The following TMEM94 variants were observed in gnomAD, a reference collection of about 807,000 sequenced individuals.
TMEM94 encodes ER Mg2+ ATPase.
Under a neutral mutation model 158.6 loss-of-function variants are expected in TMEM94, and 81 were observed. The ratio of observed to expected loss-of-function variants is 0.51; its 90% CI spans 0.43 to 0.61. The LOEUF (loss-of-function observed/expected upper bound fraction) is 0.61. TMEM94 is among the 20% of genes least tolerant of loss of function. The pLI, the probability that TMEM94 is intolerant of heterozygous loss-of-function variation, is 0.00. For synonymous variants in TMEM94, 751 were observed against 730.7 expected, an observed-to-expected ratio of 1.03 and a Z score of -0.45; for missense variants, 1,435 against 1,762.0, an observed-to-expected ratio of 0.81 and a Z score of 3.32.
In TMEM94 at chr17:75,497,790, G is replaced by T; in HGVS notation, c.3417G>T (p.Leu1139=). The T allele has an allele frequency of 2.5e-6, 4 of 1,613,638 alleles. No homozygotes were observed. The highest frequency in any genetic ancestry group is 3.4e-6 in the Non-Finnish European group (4 of 1,179,604). ...CFCYPLLSIS[L]LGKPPHSSIM... ...GATCTCTGCTTTTCAGCATCTCTCT[G>T]CTGGGGAAGCCCCCCCATAGCTCCA... Residue 1139 remains leucine, a synonymous_variant, in exon 27 of 32, where the codon CTG becomes CTT. Coordinates refer to ENST00000314256, the MANE Select transcript of TMEM94 (RefSeq NM_014738.6).
intron 2 of TMEM94, among the ~76,000 whole-genome samples, chr17:75,473,159 C>T (rs1169181378): frequency 2.0e-5 from 3 of 152,166 alleles, no homozygotes; most frequent in Admixed American, 6.5e-5. Context: ...TCTGCTGGCA[C>T]CAGGCTGGCT....
intron 16 of TMEM94, 127 bp from the exon 17 acceptor site, chr17:75,493,364 T>G (rs2052386224): frequency 4.1e-6 from 4 of 971,768 alleles, no homozygotes; most frequent in Non-Finnish European, 6.4e-6. Flanking sequence ...TGTCCGTGAG[T>G]CCCAGGGAGT....
rs1311995545 is a variant in TMEM94, at chr17:75,491,458, A to G, written c.1386+3A>G. 6.2e-7 allele frequency: 1 copy of G among 1,613,888 alleles called. No individual in the cohort carries two copies. Among genetic ancestry groups the G allele is most frequent in the African/African-American group, 1.3e-5 (1 of 74,940 alleles). On this transcript the variant is annotated splice_donor_region_variant and intron_variant, in intron 13 of 31. Transcript: ENST00000314256. This position sits in a 1 kb window ranked among gnomAD's most constrained non-coding sequence, Gnocchi z 5.1. ...CCCGCTCCTTCTGCCATCCCGAGGT[A>G]GAGGAGGAGGTACGGCCGGCTCCCA...
Position 75,495,087 on chromosome 17 carries a change from C to T in TMEM94, c.2728+53C>T, listed in dbSNP as rs1381730706. ...GGGGTGGCGGTGGGAGGATTCCCCT[C>T]CTCAGAGCCACAGCCAGGAAGAGCC... On this transcript the variant is annotated intron_variant, in intron 20 of 31. Transcript: ENST00000314256. This position sits in a 1 kb window ranked among gnomAD's most constrained non-coding sequence, Gnocchi z 5.6. 1 of 1,592,598 alleles carries T rather than the reference C, an allele frequency of 6.3e-7. No individual in the cohort carries two copies. The highest frequency in any genetic ancestry group is 2.2e-5 in the East Asian group (1 of 44,604).
chr17:75,496,235 C>A, intron 23 of TMEM94, 47 bp from the exon 24 acceptor site: 1 of 1,611,580 alleles, frequency 6.2e-7, no homozygotes, highest in South Asian at 1.1e-5. Flanking sequence ...GGTGCCCAGT[C>A]CTGTGGGAGA....
rs150495415 is a variant in TMEM94 at position 75,486,361 on chromosome 17, G to A, written c.344G>A (p.Arg115Gln). ...CTTCTCAACCTTGTGCTCATCGGGC[G>A]GCAAGACCGGCTGAAGCGTCGGGAG... Reference protein sequence around the residue: ...LLLLNLVLIGRQDRLKRREVE... With the variant: ...LLLLNLVLIGQQDRLKRREVE... Residue 115 changes from arginine (R) to glutamine (Q), a missense_variant, in exon 5 of 32, where the codon CGG (arginine) becomes CAG (glutamine). Transcript: ENST00000314256. 25 of 1,614,094 alleles carry A rather than the reference G, an allele frequency of 1.5e-5. No individual in the cohort carries two copies. The highest frequency in any genetic ancestry group is 1.6e-4 in the Middle Eastern group (1 of 6,084).
rs549949797 is a variant in TMEM94, at chr17:75,476,806, G to A, written c.24+4877G>A. 38 of 1,532,708 alleles carry A rather than the reference G, an allele frequency of 2.5e-5. No homozygotes were observed. The Admixed American group carries it at 3.4e-4, about 14-fold the overall frequency. The allele number at this position is 1,532,708 out of a possible 1,614,324, so 94.9% of individuals were successfully genotyped here. On this transcript the variant is annotated intron_variant, in intron 2 of 31. Coordinates refer to ENST00000314256, the MANE Select transcript of TMEM94 (RefSeq NM_014738.6). ...AATGCTGTGTTCCCTGCTTTGTGTG[G>A]GAGTCTTCGGGTTAGCGGTTGCTGT...
intron 1 of TMEM94, among the ~76,000 whole-genome samples, chr17:75,465,679 A>ATATATATATATATATAT (rs1247855961): frequency 1.6e-5 from 2 of 124,848 alleles, no homozygotes; most frequent in African/African-American, 7.0e-5. Context: ...ATATATATAT[A>ATATATATATATATATAT]TTTTTTTTTA....
At position 75,476,481 on chromosome 17, in the gene TMEM94, G is replaced by A. The variant is rs796493495; in HGVS notation, c.24+4552G>A. ...CCTCCTCCCTCCCTGAATCTGCAGCGTGACTAGAAATAGGCTGAATTAATC... is the reference window on the plus strand; with the variant it reads ...CCTCCTCCCTCCCTGAATCTGCAGCATGACTAGAAATAGGCTGAATTAATC... On this transcript the variant is annotated intron_variant, in intron 2 of 31. Coordinates refer to ENST00000314256, the MANE Select transcript of TMEM94 (RefSeq NM_014738.6). The A allele has an allele frequency of 5.5e-5, 75 of 1,374,870 alleles. 1 individual carries two copies. In the African/African-American group the frequency reaches 7.6e-4, roughly 14 times the overall value. 85.2% of individuals were successfully genotyped at this position (1,374,870 alleles called of 1,614,324 possible).
At position 75,491,236 on chromosome 17, in the gene TMEM94, T is replaced by C. The variant is rs2052152061; in HGVS notation, c.1234-67T>C. 9 of 1,596,702 alleles carry C rather than the reference T, an allele frequency of 5.6e-6. No individual in the cohort carries two copies. The highest frequency in any genetic ancestry group is 7.7e-6 in the Non-Finnish European group (9 of 1,167,036). On this transcript the variant is annotated intron_variant, in intron 12 of 31. Transcript: ENST00000314256. The surrounding 1 kb of genome is among the most constrained non-coding windows in gnomAD (Gnocchi z 5.1). ...GGGCCTGGGCTGCCCACCTGCCGCT[T>C]GAGTGGCCCCTGGGCAGGATAGGCT...
intron 1 of TMEM94, among the ~76,000 whole-genome samples, chr17:75,470,531 C>A (rs1174170068): frequency 2.0e-5 from 3 of 151,864 alleles, no homozygotes; most frequent in Non-Finnish European, 4.4e-5. Context: ...CGGTGAAACC[C>A]CATCTCTACT....
chr17:75,496,465 C>G lies in TMEM94; in HGVS notation c.3237C>G (p.Ile1079Met), dbSNP rs769720010. ...QEETISIIRL[I>M]EQARHATYGI... ...AGACCATCAGCATCATCCGGCTTAT[C>G]GAACAGGTGGGTGCTTCGGCAGGCA... Residue 1079 changes from isoleucine (I) to methionine (M), a missense_variant, in exon 24 of 32, where the codon ATC becomes ATG. Physicochemically the swap from Ile to Met is conservative, Grantham distance 10. This residue lies in a region of TMEM94 where 335 missense variants were observed against 409.1 expected (regional missense o/e 0.82). Transcript: ENST00000314256. 3.7e-6 allele frequency: 6 copies of G among 1,611,610 alleles called. No individual in the cohort carries two copies. Among genetic ancestry groups the G allele is most frequent in the Non-Finnish European group, 5.1e-6 (6 of 1,178,598 alleles).
chr17:75,489,237 G>A lies in TMEM94; in HGVS notation c.765-29G>A, dbSNP rs776037960. On this transcript the variant is annotated intron_variant, in intron 7 of 31. Coordinates refer to ENST00000314256, the MANE Select transcript of TMEM94 (RefSeq NM_014738.6). This position sits in a 1 kb window ranked among gnomAD's most constrained non-coding sequence, Gnocchi z 5.0. ...TGTAGGTTTCTAGCCTCTCTGCCAA[G>A]TGAGACTGACAGTCACTTCTTTCTG... The A allele has an allele frequency of 6.2e-7, 1 of 1,605,182 alleles. No individual in the cohort carries two copies. Among genetic ancestry groups the A allele is most frequent in the Admixed American group, 1.7e-5 (1 of 60,006 alleles).
rs1049556999 is a variant in TMEM94 at position 75,489,074 on chromosome 17, G to A, written c.764+164G>A. ...TGTGAGAATTCTTAGACTGAGTGGT[G>A]CCCTCTCCCAGTCTCTACTCTGAGG... On this transcript the variant is annotated intron_variant, in intron 7 of 31. Transcript: ENST00000314256. The surrounding 1 kb of genome is among the most constrained non-coding windows in gnomAD (Gnocchi z 5.0). Among the ~76,000 whole-genome samples, 1 of 152,238 alleles carries A rather than the reference G, an allele frequency of 6.6e-6. No homozygotes were observed. Among genetic ancestry groups the A allele is most frequent in the Non-Finnish European group, 1.5e-5 (1 of 68,040 alleles).
At chr17:75,461,822 G>GAGA (rs2050078688) in intron 1 of TMEM94, among the ~76,000 whole-genome samples, 2 of 151,012 alleles carry the variant, frequency 1.3e-5, no homozygotes, top group South Asian at 4.2e-4. Context: ...GCTGAGGCAG[G>GAGA]AGAATGGCGC....
At chr17:75,476,615 C>T (rs2050703816) in intron 2 of TMEM94, 35 of 1,526,318 alleles carry the variant, frequency 2.3e-5, no homozygotes, top group Non-Finnish European at 2.8e-5. Context: ...CTCTCTCTCT[C>T]TTTTCACCCT....
rs769850498 is a variant in TMEM94 at position 75,495,956 on chromosome 17, CT to C, written c.2945-9del. 3 of 1,603,082 alleles carry C rather than the reference CT, an allele frequency of 1.9e-6. No homozygotes were observed. In the East Asian group the frequency reaches 6.7e-5, roughly 36 times the overall value. On this transcript the variant is annotated splice_polypyrimidine_tract_variant and intron_variant, in intron 22 of 31. Transcript: ENST00000314256. This position sits in a 1 kb window ranked among gnomAD's most constrained non-coding sequence, Gnocchi z 5.6. ...TGCCTGACTCTGGTGCCCTTATACG[CT>C]GTCCTCAGCCATGTGTGAGATGATA... is the stretch of plus-strand genomic sequence containing the variant.
At chr17:75,465,679 A>ATATATATATTTTTTTT (rs1247855961) in intron 1 of TMEM94, among the ~76,000 whole-genome samples, 27 of 124,810 alleles carry the variant, frequency 2.2e-4, no homozygotes, top group South Asian at 2.5e-4. Flanking sequence ...ATATATATAT[A>ATATATATATTTTTTTT]TTTTTTTTTA....
chr17:75,485,896 A>C lies in TMEM94; in HGVS notation c.170A>C (p.His57Pro). The C allele has an allele frequency of 6.2e-7, 1 of 1,613,178 alleles. No homozygotes were observed. Among genetic ancestry groups the C allele is most frequent in the East Asian group, 2.2e-5 (1 of 44,846 alleles). ...WKEVWRSSFL[H>P]HSNRCSCFHW... ...GAGGTGTGGAGAAGCAGCTTCCTCCACCACAGTAACCGCTGCTCCTGCTTC... is the reference window on the plus strand; with the variant it reads ...GAGGTGTGGAGAAGCAGCTTCCTCCCCCACAGTAACCGCTGCTCCTGCTTC... The change falls in exon 4 of 32, where the codon CAC becomes CCC. Residue 57 changes from histidine (H) to proline (P), a missense_variant. Around this residue, in one of 3 missense-constraint regions of TMEM94, gnomAD observed 1,051 missense variants for 1,254.4 expected, o/e 0.84. Coordinates refer to ENST00000314256, the MANE Select transcript of TMEM94 (RefSeq NM_014738.6). This position sits in a 1 kb window ranked among gnomAD's most constrained non-coding sequence, Gnocchi z 5.5.
Sources: gnomAD v4.1 joint callset for allele counts (sites outside exome capture counted in the v4.1 genomes callset) on GRCh38, gnomAD v4.1.1 for gene constraint, gnomAD v4.1.1 regional missense constraint, Gnocchi (gnomAD v3.1) non-coding constraint, MANE v1.5 for transcripts, NCBI Gene and HGNC (gene_info 2026-07-23, HGNC 2026-07-21) for gene names.